CEP85L: variants seen among roughly 807,000 people sequenced by gnomAD.
CEP85L encodes the protein centrosomal protein of 85 kDa-like.
In CEP85L, 60 loss-of-function variants were observed where a neutral mutation model predicts 100.3. The observed-to-expected ratio is 0.60, with a 90% CI of 0.49 to 0.74. CEP85L has a LOEUF of 0.74. Among genes scored for constraint, CEP85L ranks in the 30% least tolerant of loss-of-function variants. The pLI, the probability that CEP85L is intolerant of heterozygous loss-of-function variation, is 0.00. For synonymous variants in CEP85L, 319 were observed against 322.7 expected (o/e 0.99, Z 0.12); for missense variants, 973 against 936.2 (o/e 1.04, Z -0.51).
At position 118,582,191 on chromosome 6, in the gene CEP85L, G is replaced by A. The variant is rs138559203; in HGVS notation, c.233-15875C>T. Reference sequence around the variant, plus strand: ...ATCTCCAGTATATCCTACTCTCCCCGCTTCATTCTTACCTCTGCAGGAAAT... The same window carrying A: ...ATCTCCAGTATATCCTACTCTCCCCACTTCATTCTTACCTCTGCAGGAAAT... On this transcript the variant is annotated intron_variant, in intron 2 of 12. Transcript: ENST00000368491. Among the ~76,000 whole-genome samples the A allele has an allele frequency of 2.6e-3, 403 of 152,156 alleles. 1 individual carries two copies. Among genetic ancestry groups the A allele is most frequent in the African/African-American group, 9.3e-3 (386 of 41,514 alleles).
At chr6:118,546,149 C>T (rs1321450492) in intron 3 of CEP85L, among the ~76,000 whole-genome samples, 1 of 152,040 alleles carries the variant, frequency 6.6e-6, no homozygotes, top group Non-Finnish European at 1.5e-5. Context: ...CCTAGAGTTC[C>T]ACATGAGATC....
intron 2 of CEP85L, among the ~76,000 whole-genome samples, chr6:118,575,114 T>C (rs940432305): frequency 1.6e-4 from 25 of 152,054 alleles, no homozygotes; most frequent in African/African-American, 4.6e-4. Context: ...TAGGAGAGGT[T>C]GAGCTCCACT....
intron 7 of CEP85L, 89 bp from the exon 8 acceptor site, chr6:118,482,022 G>C: frequency 7.6e-5 from 35 of 457,862 alleles, no homozygotes; most frequent in Non-Finnish European, 1.0e-4. Context: ...AGGATTAACA[G>C]ACTTGTAGCT....
At chr6:118,680,292 T>C (rs898250054) in intron 1 of CEP85L, among the ~76,000 whole-genome samples, 4 of 135,690 alleles carry the variant, frequency 2.9e-5, no homozygotes, top group African/African-American at 1.1e-4. Context: ...AAAAAGAATC[T>C]TTCCTTGGTG....
intron 7 of CEP85L, among the ~76,000 whole-genome samples, chr6:118,483,375 C>A (rs755697356): frequency 6.6e-6 from 1 of 151,982 alleles, no homozygotes; most frequent in Non-Finnish European, 1.5e-5. Flanking sequence ...CTTGTCGAGC[C>A]TTGGTGAATC....
In CEP85L at chr6:118,542,900, C is replaced by CAAAAAAAAAAAAAAAAAAAAAAAA. The variant is rs71012391; in HGVS notation, c.1021-18981_1021-18980insTTTTTTTTTTTTTTTTTTTTTTTT. 7.6e-4 allele frequency among the ~76,000 whole-genome samples: 51 copies of CAAAAAAAAAAAAAAAAAAAAAAAA among 67,142 alleles called. 2 individuals carry two copies. Among genetic ancestry groups the CAAAAAAAAAAAAAAAAAAAAAAAA allele is most frequent in the Non-Finnish European group, 8.4e-4 (29 of 34,546 alleles). The allele number at this position is 67,142 out of a possible 152,430, so 44.0% of individuals were successfully genotyped here. A position where few individuals can be genotyped will look rare whatever the true frequency, so the allele number is the denominator to read the frequency against. On this transcript the variant is annotated intron_variant, in intron 3 of 12. Transcript: ENST00000368491. ...GAACTTCAACATCACCAAGTTTTCC[C>CAAAAAAAAAAAAAAAAAAAAAAAA]AAAAAAAAAAAAAAAAAAAAAAACA...
At chr6:118,600,049 G>A (rs1014130075) in intron 2 of CEP85L, among the ~76,000 whole-genome samples, 2 of 151,514 alleles carry the variant, frequency 1.3e-5, no homozygotes, top group African/African-American at 4.8e-5. Flanking sequence ...AAAAATAAAT[G>A]TGTACATATA....
intron 1 of CEP85L, among the ~76,000 whole-genome samples, chr6:118,703,948 G>A (rs1273200094): frequency 6.6e-6 from 1 of 152,096 alleles, no homozygotes; most frequent in Admixed American, 6.5e-5. Context: ...ATGTATCTCT[G>A]TTGAGCAAAT....
At chr6:118,562,730 A>T (rs1387827706) in intron 3 of CEP85L, among the ~76,000 whole-genome samples, 3 of 152,280 alleles carry the variant, frequency 2.0e-5, no homozygotes, top group South Asian at 4.1e-4. Flanking sequence ...ATAACTGTTC[A>T]AACACCCTTA....
chr6:118,566,333 T>A lies in CEP85L; in HGVS notation c.233-17A>T. 6.3e-7 allele frequency: 1 copy of A among 1,590,420 alleles called. No individual in the cohort carries two copies. Among genetic ancestry groups the A allele is most frequent in the Non-Finnish European group, 8.6e-7 (1 of 1,168,350 alleles). ...TTGAATGATCTGGAAAGAAAAAAGA[T>A]GGTCAAATTAGTTACAATTAACAGA... On this transcript the variant is annotated splice_polypyrimidine_tract_variant and intron_variant, in intron 2 of 12. Coordinates refer to ENST00000368491, the MANE Select transcript of CEP85L (RefSeq NM_001042475.3).
At chr6:118,515,247 A>C (rs1776205812) in intron 4 of CEP85L, among the ~76,000 whole-genome samples, 1 of 152,204 alleles carries the variant, frequency 6.6e-6, no homozygotes, top group Admixed American at 6.5e-5. Flanking sequence ...AAAAAAACTG[A>C]TAAAACAGAA....
At chr6:118,508,252 A>G (rs993895677) in intron 5 of CEP85L, among the ~76,000 whole-genome samples, 2 of 152,170 alleles carry the variant, frequency 1.3e-5, no homozygotes, top group Non-Finnish European at 2.9e-5. Context: ...ATAGAAAAAA[A>G]TGATATAAAT....
chr6:118,556,625 G>C (rs926923582), intron 3 of CEP85L, among the ~76,000 whole-genome samples: 6 of 152,106 alleles, frequency 3.9e-5, no homozygotes, highest in African/African-American at 1.4e-4. Flanking sequence ...AGGTTGAGAT[G>C]GGCTTTTATG....
chr6:118,476,410 A>G (rs769031356), intron 10 of CEP85L, among the ~76,000 whole-genome samples: 65 of 152,208 alleles, frequency 4.3e-4, no homozygotes, highest in Non-Finnish European at 7.6e-4. Flanking sequence ...ACAGAAGTAA[A>G]TGTTTTCAAA....
At chr6:118,468,564 C>T (rs1466865157) in intron 12 of CEP85L, among the ~76,000 whole-genome samples, 1 of 152,142 alleles carries the variant, frequency 6.6e-6, no homozygotes, top group African/African-American at 2.4e-5. Context: ...ATGGGTGTCA[C>T]ATTAAGCCAG....
In CEP85L at chr6:118,480,031, G is replaced by T. The variant is rs1192408865; in HGVS notation, c.1864-110C>A. 4.5e-6 allele frequency: 3 copies of T among 660,198 alleles called. No homozygotes were observed. In the East Asian group the frequency reaches 9.7e-5, roughly 21 times the overall value. 40.9% of individuals were successfully genotyped at this position (660,198 alleles called of 1,614,324 possible). A position where few individuals can be genotyped will look rare whatever the true frequency, so the allele number is the denominator to read the frequency against. ...ATTTATAAATTTATTTTTTAAAAGG[G>T]TCTTTTTAAAAAACTGAAAGTATCC... On this transcript the variant is annotated intron_variant, in intron 9 of 12. Coordinates refer to ENST00000368491, the MANE Select transcript of CEP85L (RefSeq NM_001042475.3).
intron 11 of CEP85L, among the ~76,000 whole-genome samples, chr6:118,470,179 CCTT>C (rs1772838856): frequency 6.6e-6 from 1 of 152,102 alleles, no homozygotes; most frequent in South Asian, 2.1e-4. Flanking sequence ...AAAACTGCTA[CCTT>C]CTTATCTTGA....
chr6:118,481,066 G>C (rs1264714666), intron 8 of CEP85L, among the ~76,000 whole-genome samples: 1 of 151,214 alleles, frequency 6.6e-6, no homozygotes, highest in East Asian at 1.9e-4. Flanking sequence ...TATTAATTGA[G>C]ACCCACGAGG....
chr6:118,536,149 A>G (rs1038928700), intron 3 of CEP85L, among the ~76,000 whole-genome samples: 3 of 152,230 alleles, frequency 2.0e-5, no homozygotes, highest in African/African-American at 7.2e-5. Context: ...AGTATACACT[A>G]GAATACTATA....
Sources: allele counts gnomAD v4.1 joint callset (sites outside exome capture counted in the v4.1 genomes callset), GRCh38; gene constraint gnomAD v4.1.1; transcripts MANE v1.5; gene names NCBI Gene and HGNC (gene_info 2026-07-23, HGNC 2026-07-21).